Variants in NSMAF observed in about 807,000 individuals in gnomAD.
NSMAF encodes the protein protein FAN.
Under a neutral mutation model 134.9 loss-of-function variants are expected in NSMAF, and 90 were observed. The ratio of observed to expected loss-of-function variants is 0.67; its 90% CI spans 0.56 to 0.79. NSMAF has a LOEUF of 0.79. NSMAF is among the 30% of genes least tolerant of loss of function. The pLI is 0.00. For missense variants in NSMAF, 1,010 were observed against 1,119.0 expected (o/e 0.90, Z 1.39); for synonymous variants, 358 against 389.6 (o/e 0.92, Z 0.96).
At chr8:58,593,651 C>G (rs1382560379) in intron 23 of NSMAF, among the ~76,000 whole-genome samples, 2 of 152,140 alleles carry the variant, frequency 1.3e-5, no homozygotes, top group Non-Finnish European at 2.9e-5. Flanking sequence ...TGCAGACTAC[C>G]AGGGAGAGAA....
chr8:58,631,317 G>T, intron 6 of NSMAF, 179 bp downstream of exon 6: 25 of 344,610 alleles, frequency 7.3e-5, no homozygotes, highest in South Asian at 1.7e-4. Flanking sequence ...AAAGTTAATT[G>T]AATTCTCTTG....
At chr8:58,605,817 T>G (rs1585736868) in intron 12 of NSMAF, 110 bp downstream of exon 12, 6 of 1,159,802 alleles carry the variant, frequency 5.2e-6, no homozygotes, top group East Asian at 3.6e-5. Context: ...GAGGCGGAGG[T>G]TGCAGTGAGC....
intron 2 of NSMAF, among the ~76,000 whole-genome samples, chr8:58,639,306 GAAGA>G (rs1381949181): frequency 6.6e-6 from 1 of 150,782 alleles, no homozygotes; most frequent in Middle Eastern, 3.2e-3. Context: ...AAAAGAAGAA[GAAGA>G]AGAAGAAGAA....
In NSMAF at chr8:58,590,029, T is replaced by G; in HGVS notation, c.2065A>C (p.Thr689Pro). The change falls in exon 25 of 31, where the codon ACT becomes CCT. Residue 689 changes from threonine to proline, a missense_variant. Physicochemically the swap from Thr to Pro is conservative, Grantham distance 38. Coordinates refer to ENST00000038176, the MANE Select transcript of NSMAF (RefSeq NM_003580.4). ...TACACATTATTATCCCATGAAGAAGTTATGACAGTGGCATCTCCTGGTAAA... is the reference window on the plus strand; with the variant it reads ...TACACATTATTATCCCATGAAGAAGGTATGACAGTGGCATCTCCTGGTAAA... The part of the protein sequence containing the change: ...LLLPGDATVI[T>P]SSWDNNVYFY... The G allele has an allele frequency of 6.2e-7, 1 of 1,613,964 alleles. No individual in the cohort carries two copies.
At position 58,590,864 on chromosome 8, in the gene NSMAF, C is replaced by T. The variant is rs375088075; in HGVS notation, c.2019+3G>A. The T allele has an allele frequency of 7.1e-6, 11 of 1,556,588 alleles. No homozygotes were observed. The African/African-American group carries it at 1.4e-4, about 19-fold the overall frequency. On this transcript the variant is annotated splice_donor_region_variant and intron_variant, in intron 24 of 30. Transcript: ENST00000038176. ...TATCATAATACTATTAAAATGAACT[C>T]ACCATATTTGAAAATGATATACTTC...
chr8:58,658,574 G>A (rs753768083), intron 1 of NSMAF, among the ~76,000 whole-genome samples: 22 of 152,184 alleles, frequency 1.4e-4, no homozygotes, highest in Non-Finnish European at 2.6e-4. Flanking sequence ...TGCTTTGCTG[G>A]TATTCACTGA....
intron 9 of NSMAF, among the ~76,000 whole-genome samples, chr8:58,621,976 A>G (rs899705970): frequency 6.6e-6 from 1 of 152,146 alleles, no homozygotes; most frequent in African/African-American, 2.4e-5. Flanking sequence ...TAGTTTAATT[A>G]GTTCTCATTT....
At chr8:58,634,138 C>T (rs1807119916) in intron 5 of NSMAF, among the ~76,000 whole-genome samples, 1 of 152,024 alleles carries the variant, frequency 6.6e-6, no homozygotes, top group Non-Finnish European at 1.5e-5. Context: ...GTTTGGTCCC[C>T]AGAGCAGTAG....
intron 5 of NSMAF, among the ~76,000 whole-genome samples, chr8:58,633,077 C>T (rs1276212113): frequency 1.3e-5 from 2 of 152,204 alleles, no homozygotes; most frequent in Non-Finnish European, 2.9e-5. Context: ...GTTCTCTACC[C>T]AGCCCCCAGA....
chr8:58,654,320 C>A (rs189793894), intron 1 of NSMAF, among the ~76,000 whole-genome samples: 20 of 152,232 alleles, frequency 1.3e-4, no homozygotes, highest in Admixed American at 5.2e-4. Flanking sequence ...TTGGGCCGGG[C>A]GTGGTGGCTC....
rs372318254 is a variant in NSMAF, at chr8:58,643,380, G to A, written c.60-307C>T. ...TATCCTTATCTGAACAAAGCTCAGCGCTTTCCTACTTAGGGAATTTTGAGC... is the reference window on the plus strand; with the variant it reads ...TATCCTTATCTGAACAAAGCTCAGCACTTTCCTACTTAGGGAATTTTGAGC... On this transcript the variant is annotated intron_variant, in intron 1 of 30. Transcript: ENST00000038176. Among the ~76,000 whole-genome samples the A allele has an allele frequency of 4.7e-4, 72 of 152,248 alleles. No individual in the cohort carries two copies. In the East Asian group the frequency reaches 5.8e-3, roughly 12 times the overall value.
chr8:58,632,182 T>C (rs1178306188), intron 5 of NSMAF, among the ~76,000 whole-genome samples: 1 of 152,002 alleles, frequency 6.6e-6, no homozygotes, highest in Non-Finnish European at 1.5e-5. Context: ...ATTCAAAAGC[T>C]TTGCTCTTAG....
chr8:58,585,506 A>C (rs1805861621), intron 30 of NSMAF, 146 bp downstream of exon 30: 1 of 618,020 alleles, frequency 1.6e-6, no homozygotes, highest in Admixed American at 2.9e-5. Context: ...TCACCTGGCC[A>C]ATCAAGAGGC....
At chr8:58,655,849 G>C (rs1455811191) in intron 1 of NSMAF, among the ~76,000 whole-genome samples, 1 of 151,792 alleles carries the variant, frequency 6.6e-6, no homozygotes, top group Non-Finnish European at 1.5e-5. Context: ...GGAACTTGCA[G>C]TGGGCTGAGA....
chr8:58,657,640 A>T (rs1807749466), intron 1 of NSMAF, among the ~76,000 whole-genome samples: 1 of 152,260 alleles, frequency 6.6e-6, no homozygotes, highest in South Asian at 2.1e-4. Context: ...GATTCCTGTC[A>T]TTCAAATGCA....
intron 24 of NSMAF, among the ~76,000 whole-genome samples, chr8:58,590,632 T>C (rs1051915321): frequency 6.6e-6 from 1 of 152,190 alleles, no homozygotes; most frequent in Non-Finnish European, 1.5e-5. Context: ...AGAATTCTAC[T>C]GGGTAGCTCT....
At chr8:58,642,010 G>T (rs912562790) in intron 2 of NSMAF, among the ~76,000 whole-genome samples, 1 of 152,182 alleles carries the variant, frequency 6.6e-6, no homozygotes, top group Non-Finnish European at 1.5e-5. Context: ...AAAAGAATAT[G>T]AGCAAAATTC....
At chr8:58,626,556 T>G (rs1370954025) in intron 6 of NSMAF, among the ~76,000 whole-genome samples, 1 of 152,252 alleles carries the variant, frequency 6.6e-6, no homozygotes, top group Non-Finnish European at 1.5e-5. Flanking sequence ...TTTTGTTTTA[T>G]GGCTCAGTAG....
intron 13 of NSMAF, among the ~76,000 whole-genome samples, chr8:58,602,378 AT>A (rs999296064): frequency 6.6e-6 from 1 of 152,150 alleles, no homozygotes; most frequent in Non-Finnish European, 1.5e-5. Flanking sequence ...CTGAACATTA[AT>A]TTTTTTAAAA....
Sources: allele counts gnomAD v4.1 joint callset (sites outside exome capture counted in the v4.1 genomes callset), GRCh38; gene constraint gnomAD v4.1.1; transcripts MANE v1.5; gene names NCBI Gene and HGNC (gene_info 2026-07-23, HGNC 2026-07-21).